ACTR10: variants seen among roughly 807,000 people sequenced by gnomAD.
ACTR10 encodes the protein actin-related protein 10.
A neutral mutation model predicts 56.2 loss-of-function variants in ACTR10; 43 were observed. The observed-to-expected ratio is 0.77, with a 90% CI of 0.60 to 0.99. The LOEUF (loss-of-function observed/expected upper bound fraction) is 0.99, where lower values mean the gene tolerates loss of function less well. ACTR10 is among the 50% of genes least tolerant of loss of function. The probability of loss-of-function intolerance (pLI) is 0.00; values close to 1 mark genes in which losing one functional copy is unlikely to be tolerated. For missense variants in ACTR10, 466 were observed against 507.8 expected (o/e 0.92, Z 0.79); for synonymous variants, 170 against 176.3 (o/e 0.96, Z 0.28).
chr14:58,222,189 G>T (rs1472038075), intron 8 of ACTR10, among the ~76,000 whole-genome samples: 1 of 151,900 alleles, frequency 6.6e-6, no homozygotes, highest in African/African-American at 2.4e-5. Context: ...TGGCTAACAT[G>T]CTTTACAAGT....
chr14:58,221,886 C>T (rs962672427), intron 8 of ACTR10, among the ~76,000 whole-genome samples: 1 of 152,124 alleles, frequency 6.6e-6, no homozygotes, highest in African/African-American at 2.4e-5. Context: ...CCACTGCACT[C>T]CAGCCTGGGC....
intron 10 of ACTR10, among the ~76,000 whole-genome samples, chr14:58,227,503 C>T (rs187503548): frequency 1.1e-3 from 166 of 152,308 alleles, no homozygotes; most frequent in African/African-American, 3.9e-3. Flanking sequence ...TGTTTTCTAC[C>T]TTAATATTTC....
Position 58,235,521 on chromosome 14 carries a change from T to C in ACTR10, c.*970T>C, listed in dbSNP as rs1404720051. On this transcript the variant is annotated 3_prime_UTR_variant, in exon 13 of 13. Coordinates refer to ENST00000254286, the MANE Select transcript of ACTR10 (RefSeq NM_018477.3). ...AAAAATGTATTCACAATGTCATTAA[T>C]CTTTGCGTTTGTGCTTTATATCTTC... 2.6e-5 allele frequency: 4 copies of C among 152,244 alleles called. No individual in the cohort carries two copies. The highest frequency in any genetic ancestry group is 1.3e-4 in the Admixed American group (2 of 15,282). 9.4% of individuals were successfully genotyped at this position (152,244 alleles called of 1,614,324 possible).
chr14:58,214,999 G>A (rs999138685), intron 6 of ACTR10, among the ~76,000 whole-genome samples: 3 of 151,540 alleles, frequency 2.0e-5, no homozygotes, highest in South Asian at 2.1e-4. Context: ...CCAGCTACTC[G>A]AGAGGCTGAG....
chr14:58,225,708 ACTT>A (rs1443317418), intron 10 of ACTR10, among the ~76,000 whole-genome samples: 1 of 149,514 alleles, frequency 6.7e-6, no homozygotes, highest in Non-Finnish European at 1.5e-5. Context: ...GGTAGTTCAC[ACTT>A]CTTTTTTTTT....
At chr14:58,209,159 G>A in intron 4 of ACTR10, 52 bp downstream of exon 4, 1 of 1,295,864 alleles carries the variant, frequency 7.7e-7, no homozygotes, top group African/African-American at 1.5e-5. Flanking sequence ...AAAAAGAGAA[G>A]CAATAAAATT....
At chr14:58,218,086 T>C (rs8016651) in intron 7 of ACTR10, among the ~76,000 whole-genome samples, 34,234 of 152,162 alleles carry the variant, frequency 0.22, 4,260 homozygotes, top group Middle Eastern at 0.33. Flanking sequence ...ATTAAACTCT[T>C]TATTTCCAGG....
At chr14:58,206,208 C>T (rs1240570273) in intron 2 of ACTR10, among the ~76,000 whole-genome samples, 1 of 151,186 alleles carries the variant, frequency 6.6e-6, no homozygotes, top group Non-Finnish European at 1.5e-5. Context: ...TGGAGTCTCA[C>T]TCCATCACCC....
rs1017354826 is a variant in ACTR10 at position 58,235,180 on chromosome 14, C to T, written c.*629C>T. 1 of 152,112 alleles carries T rather than the reference C, an allele frequency of 6.6e-6. No homozygotes were observed. Among genetic ancestry groups the T allele is most frequent in the African/African-American group, 2.4e-5 (1 of 41,408 alleles). 9.4% of individuals were successfully genotyped at this position (152,112 alleles called of 1,614,324 possible). ...CAGTTCACATAACCTGTTCTGGGCT[C>T]ATTAATTGTGTTTCCAGCAGTTACT... On this transcript the variant is annotated 3_prime_UTR_variant, in exon 13 of 13. Transcript: ENST00000254286.
At chr14:58,213,753 C>A in intron 6 of ACTR10, 55 bp downstream of exon 6, 1 of 1,395,578 alleles carries the variant, frequency 7.2e-7, no homozygotes, top group Non-Finnish European at 1.0e-6. Flanking sequence ...AAAACAGTTG[C>A]TAATCTGTTT....
Position 58,223,869 on chromosome 14 carries a change from A to T in ACTR10, c.788+13A>T. 6.3e-7 allele frequency: 1 copy of T among 1,588,918 alleles called. No individual in the cohort carries two copies. The highest frequency in any genetic ancestry group is 1.4e-5 in the African/African-American group (1 of 73,972). On this transcript the variant is annotated intron_variant, in intron 10 of 12. Coordinates refer to ENST00000254286, the MANE Select transcript of ACTR10 (RefSeq NM_018477.3). The stretch of plus-strand genomic sequence containing the variant: ...TTGGATCAATCAGGTTAGATCTTAA[A>T]TTTTTACGGCAAAGTAGTAAACTAA...
chr14:58,211,607 T>C (rs1211378672), intron 5 of ACTR10, among the ~76,000 whole-genome samples: 1 of 152,148 alleles, frequency 6.6e-6, no homozygotes, highest in East Asian at 1.9e-4. Context: ...CAGGATATAC[T>C]CCAGGAGTAT....
At chr14:58,206,542 T>C (rs1888868285) in intron 2 of ACTR10, among the ~76,000 whole-genome samples, 1 of 152,222 alleles carries the variant, frequency 6.6e-6, no homozygotes, top group Non-Finnish European at 1.5e-5. Flanking sequence ...TTTGATTATA[T>C]ATGGTTTGGA....
intron 12 of ACTR10, 55 bp from the exon 13 acceptor site, chr14:58,234,315 A>G: frequency 6.8e-7 from 1 of 1,480,858 alleles, no homozygotes; most frequent in Non-Finnish European, 9.1e-7. Flanking sequence ...TGTGTACATA[A>G]AGTTTTCTGG....
intron 8 of ACTR10, among the ~76,000 whole-genome samples, chr14:58,219,935 T>C (rs1594810243): frequency 6.6e-6 from 1 of 152,334 alleles, no homozygotes; most frequent in East Asian, 1.9e-4. Flanking sequence ...GATGTGTTAC[T>C]GAAGCAGCTT....
intron 4 of ACTR10, among the ~76,000 whole-genome samples, chr14:58,210,201 T>C (rs1268212897): frequency 1.3e-5 from 2 of 152,248 alleles, no homozygotes; most frequent in Non-Finnish European, 2.9e-5. Flanking sequence ...CATTCGATTA[T>C]GATGGACTGT....
At position 58,212,200 on chromosome 14, in the gene ACTR10, G is replaced by A. The variant is rs183549874; in HGVS notation, c.450+801G>A. ...AGAAGAGTTGTGTTAGTTGAGTGAG[G>A]TAATATATATAAAGTGTTCAGCATA... On this transcript the variant is annotated intron_variant, in intron 5 of 12. Transcript: ENST00000254286. Among the ~76,000 whole-genome samples, 146 of 152,184 alleles carry A rather than the reference G, an allele frequency of 9.6e-4. 1 individual carries two copies. In the Middle Eastern group the frequency reaches 0.01, roughly 11 times the overall value.
chr14:58,200,332 G>A (rs761538904), intron 1 of ACTR10, 38 bp downstream of exon 1: 10 of 1,458,898 alleles, frequency 6.9e-6, no homozygotes, highest in Non-Finnish European at 9.1e-6. Context: ...CGACCCGAGG[G>A]GAGGGCGGGT....
intron 8 of ACTR10, among the ~76,000 whole-genome samples, chr14:58,220,755 T>C (rs1170289161): frequency 6.6e-6 from 1 of 152,186 alleles, no homozygotes; most frequent in Non-Finnish European, 1.5e-5. Context: ...TGTTTATTGT[T>C]AGTAGTAAGG....
Sources: gnomAD v4.1 joint callset for allele counts (sites outside exome capture counted in the v4.1 genomes callset) on GRCh38, gnomAD v4.1.1 for gene constraint, MANE v1.5 for transcripts, NCBI Gene and HGNC (gene_info 2026-07-23, HGNC 2026-07-21) for gene names.